HTR7: variants seen among roughly 807,000 people sequenced by gnomAD.
The protein encoded by HTR7 is 5-HT-7.
HTR7 carries 16 observed loss-of-function variants against 34.0 expected under a neutral mutation model. The observed-to-expected ratio is 0.47, with a 90% CI of 0.32 to 0.71. HTR7 has a LOEUF of 0.71. Among genes scored for constraint, HTR7 ranks in the 30% least tolerant of loss-of-function variants. The probability of loss-of-function intolerance (pLI) is 0.04; values close to 1 mark genes in which losing one functional copy is unlikely to be tolerated. For missense variants in HTR7, 504 were observed against 625.5 expected (o/e 0.81, Z 2.07); for synonymous variants, 265 against 260.2 (o/e 1.02, Z -0.18).
intron 1 of HTR7, among the ~76,000 whole-genome samples, chr10:90,831,208 G>C (rs1420377076): frequency 6.6e-6 from 1 of 152,228 alleles, no homozygotes; most frequent in African/African-American, 2.4e-5. Flanking sequence ...CTGACTTCAA[G>C]AATGAAGCCG....
intron 1 of HTR7, among the ~76,000 whole-genome samples, chr10:90,799,138 C>T (rs940605048): frequency 6.6e-6 from 1 of 152,036 alleles, no homozygotes; most frequent in African/African-American, 2.4e-5. Flanking sequence ...ATCTTGTAGC[C>T]CCTATCCAGG....
chr10:90,760,356 G>A (rs1038097218), intron 1 of HTR7, among the ~76,000 whole-genome samples: 23 of 152,184 alleles, frequency 1.5e-4, no homozygotes, highest in African/African-American at 5.5e-4. Flanking sequence ...TAGGAGGAAA[G>A]AACGATATAC....
At chr10:90,824,389 T>C (rs917620985) in intron 1 of HTR7, among the ~76,000 whole-genome samples, 1 of 152,246 alleles carries the variant, frequency 6.6e-6, no homozygotes, top group Non-Finnish European at 1.5e-5. Context: ...TAGTACACAC[T>C]GTGAGCCTTG....
At chr10:90,791,933 C>T (rs1441780797) in intron 1 of HTR7, among the ~76,000 whole-genome samples, 1 of 151,956 alleles carries the variant, frequency 6.6e-6, no homozygotes, top group Admixed American at 6.6e-5. Context: ...TTTCAGTATA[C>T]TACAAAAAGA....
chr10:90,773,636 C>T (rs1020960262), intron 1 of HTR7, among the ~76,000 whole-genome samples: 4 of 152,070 alleles, frequency 2.6e-5, no homozygotes, highest in Non-Finnish European at 4.4e-5. Context: ...CTGCTGGTAA[C>T]CATCCTTCTA....
intron 1 of HTR7, among the ~76,000 whole-genome samples, chr10:90,821,465 T>G (rs182070646): frequency 6.6e-6 from 1 of 152,206 alleles, no homozygotes; most frequent in Non-Finnish European, 1.5e-5. Context: ...AGGGGAATTG[T>G]CCCTGCCAGC....
chr10:90,800,018 G>A (rs768814238), intron 1 of HTR7, among the ~76,000 whole-genome samples: 12 of 152,198 alleles, frequency 7.9e-5, no homozygotes, highest in Non-Finnish European at 1.5e-4. Context: ...GGTAAACTGT[G>A]TATGGATATC....
intron 1 of HTR7, among the ~76,000 whole-genome samples, chr10:90,810,970 T>C (rs1845798075): frequency 6.6e-6 from 1 of 152,310 alleles, no homozygotes; most frequent in South Asian, 2.1e-4. Flanking sequence ...CGACTTTAGA[T>C]ACCTGGTTTT....
At position 90,766,326 on chromosome 10, in the gene HTR7, A is replaced by G. The variant is rs192082509; in HGVS notation, c.540-16732T>C. ...CATAAAGTCTATTTTGTTTGATATA[A>G]GTGGATCCACTGCTACTCTCTTTTG... On this transcript the variant is annotated intron_variant, in intron 1 of 3. Transcript: ENST00000336152. Among the ~76,000 whole-genome samples, 31 of 152,300 alleles carry G rather than the reference A, an allele frequency of 2.0e-4. 1 individual carries two copies. The East Asian group carries it at 6.0e-3, about 29-fold the overall frequency.
At chr10:90,767,110 G>A (rs892454115) in intron 1 of HTR7, among the ~76,000 whole-genome samples, 1 of 152,130 alleles carries the variant, frequency 6.6e-6, no homozygotes, top group South Asian at 2.1e-4. Context: ...TGGACTCCAT[G>A]GCCAGGCAGG....
chr10:90,783,983 G>A (rs993860582), intron 1 of HTR7, among the ~76,000 whole-genome samples: 2 of 152,138 alleles, frequency 1.3e-5, no homozygotes, highest in Non-Finnish European at 2.9e-5. Flanking sequence ...AGAACATTTA[G>A]TTCTTGACAG....
chr10:90,802,852 C>A (rs1260269160), intron 1 of HTR7, among the ~76,000 whole-genome samples: 1 of 152,104 alleles, frequency 6.6e-6, no homozygotes, highest in Admixed American at 6.5e-5. Context: ...TTTTCCCTTC[C>A]ATGGACAGCT....
chr10:90,787,258 G>C (rs1309140467), intron 1 of HTR7, among the ~76,000 whole-genome samples: 2 of 152,200 alleles, frequency 1.3e-5, no homozygotes, highest in African/African-American at 4.8e-5. Context: ...GGGAGGCCAA[G>C]GTGGGTGGAT....
intron 1 of HTR7, among the ~76,000 whole-genome samples, chr10:90,770,352 G>T (rs1381580729): frequency 6.6e-6 from 1 of 152,180 alleles, no homozygotes; most frequent in Non-Finnish European, 1.5e-5. Flanking sequence ...AGGCAGAGAG[G>T]AGCCCAGAGA....
rs146134208 is a variant in HTR7 at position 90,810,076 on chromosome 10, C to T, written c.539+47057G>A. The stretch of plus-strand genomic sequence containing the variant: ...CCTCCATAACTGTTGTGGGTATTGA[C>T]GGCCAGGTTTCTAAACCTCTTAAAA... On this transcript the variant is annotated intron_variant, in intron 1 of 3. Transcript: ENST00000336152. 1.8e-3 allele frequency among the ~76,000 whole-genome samples: 275 copies of T among 152,304 alleles called. 8 individuals are homozygous for T. The East Asian group carries it at 0.047, about 26-fold the overall frequency.
At chr10:90,781,569 A>T (rs908281347) in intron 1 of HTR7, among the ~76,000 whole-genome samples, 1 of 152,328 alleles carries the variant, frequency 6.6e-6, no homozygotes, top group South Asian at 2.1e-4. Context: ...CTGATTTTTT[A>T]AAAAATCCTT....
intron 1 of HTR7, among the ~76,000 whole-genome samples, chr10:90,758,344 C>CA (rs58130009): frequency 1.2e-4 from 6 of 51,916 alleles, no homozygotes; most frequent in Non-Finnish European, 1.6e-4. Context: ...GGCTCTGTCT[C>CA]AAAAAAAAAA....
chr10:90,815,694 T>C (rs1224951968), intron 1 of HTR7, among the ~76,000 whole-genome samples: 1 of 151,898 alleles, frequency 6.6e-6, no homozygotes, highest in East Asian at 1.9e-4. Context: ...GTAACAAACC[T>C]GCACATCCTG....
At chr10:90,844,726 CAAAAAAAAAAAAAAAAAAAAAAAAA>C (rs71025328) in intron 1 of HTR7, among the ~76,000 whole-genome samples, 1 of 39,476 alleles carries the variant, frequency 2.5e-5, no homozygotes, top group Non-Finnish European at 5.0e-5. Flanking sequence ...GACTCCGTCT[CAAAAAAAAAAAAAAAAAAAAAAAAA>C]AAAAAAAAAA....
Sources: gnomAD v4.1 joint callset for allele counts (sites outside exome capture counted in the v4.1 genomes callset) on GRCh38, gnomAD v4.1.1 for gene constraint, MANE v1.5 for transcripts, NCBI Gene and HGNC (gene_info 2026-07-23, HGNC 2026-07-21) for gene names.